ACSM3: variants seen among roughly 807,000 people sequenced by gnomAD.
ACSM3 encodes acyl-coenzyme A synthetase ACSM3, mitochondrial.
In ACSM3, 61 loss-of-function variants were observed where a neutral mutation model predicts 74.1. The observed-to-expected ratio is 0.82, with a 90% CI of 0.67 to 1.02. The LOEUF is 1.02. Ranked by LOEUF, ACSM3 falls within the 50% of genes least tolerant of loss-of-function variation. ACSM3 has a pLI of 0.00. For synonymous variants in ACSM3, 213 were observed against 241.5 expected (o/e 0.88, Z 1.09); for missense variants, 660 against 697.0 (o/e 0.95, Z 0.60).
chr16:20,712,234 G>A (rs932556438), intron 1 of ACSM3, among the ~76,000 whole-genome samples: 1 of 152,130 alleles, frequency 6.6e-6, no homozygotes, highest in Non-Finnish European at 1.5e-5. Context: ...AACAACAGCA[G>A]AGTGGAGTAG....
At chr16:20,700,421 A>G (rs2079709958) in intron 1 of ACSM3, among the ~76,000 whole-genome samples, 1 of 151,980 alleles carries the variant, frequency 6.6e-6, no homozygotes, top group Non-Finnish European at 1.5e-5. Context: ...GAGTGTGGGG[A>G]GGTGGCTAAG....
chr16:20,691,523 G>T (rs1044238272), intron 1 of ACSM3, among the ~76,000 whole-genome samples: 4 of 152,016 alleles, frequency 2.6e-5, no homozygotes, highest in African/African-American at 4.8e-5. Flanking sequence ...GAAGCCATAT[G>T]GTCATCCCTT....
chr16:20,797,558 C>A lies in ACSM3; in HGVS notation c.*586C>A. On this transcript the variant is annotated 3_prime_UTR_variant, in exon 14 of 14. Coordinates refer to ENST00000289416, the MANE Select transcript of ACSM3 (RefSeq NM_005622.4). The stretch of plus-strand genomic sequence containing the variant: ...ACTATTGTTGCTTATTATATGTAAT[C>A]TAATAAATACTGTTTACAAAAGATT... The A allele has an allele frequency of 8.0e-7, 1 of 1,244,134 alleles. No homozygotes were observed. The highest frequency in any genetic ancestry group is 1.0e-6 in the Non-Finnish European group (1 of 992,500). 77.1% of individuals were successfully genotyped at this position (1,244,134 alleles called of 1,614,324 possible).
At chr16:20,785,691 CT>C (rs1240910627) in intron 8 of ACSM3, among the ~76,000 whole-genome samples, 1 of 152,068 alleles carries the variant, frequency 6.6e-6, no homozygotes, top group African/African-American at 2.4e-5. Flanking sequence ...GTTGAAAAAA[CT>C]TTTCACAATG....
chr16:20,783,926 C>G (rs1431879823), intron 7 of ACSM3, among the ~76,000 whole-genome samples: 2 of 152,190 alleles, frequency 1.3e-5, no homozygotes, highest in Non-Finnish European at 2.9e-5. Context: ...CTGCCTCAGC[C>G]TCCTGAGCAT....
chr16:20,686,576 G>A (rs1347007270), intron 1 of ACSM3, among the ~76,000 whole-genome samples: 3 of 152,060 alleles, frequency 2.0e-5, no homozygotes, highest in Admixed American at 6.6e-5. Flanking sequence ...ACCATGACAC[G>A]CATATACCTA....
At chr16:20,705,365 T>G (rs2079724075) in intron 1 of ACSM3, among the ~76,000 whole-genome samples, 1 of 127,792 alleles carries the variant, frequency 7.8e-6, no homozygotes, top group Non-Finnish European at 1.6e-5. Context: ...AGAGCGAGAC[T>G]CCGTCTCAGA....
intron 1 of ACSM3, chr16:20,735,724 A>G (rs899813772): frequency 6.6e-6 from 1 of 152,230 alleles, no homozygotes; most frequent in African/African-American, 2.4e-5. Context: ...CAAATGCTAC[A>G]GCATGACAAA....
At chr16:20,757,896 G>A (rs2080044835) in intron 3 of ACSM3, among the ~76,000 whole-genome samples, 1 of 149,900 alleles carries the variant, frequency 6.7e-6, no homozygotes, top group African/African-American at 2.5e-5. Flanking sequence ...AGATAATCAT[G>A]TGGTTTTTGT....
intron 1 of ACSM3, among the ~76,000 whole-genome samples, chr16:20,690,687 G>T: frequency 6.6e-6 from 1 of 152,202 alleles, no homozygotes; most frequent in Non-Finnish European, 1.5e-5. Context: ...ATACGAATTT[G>T]CTGACCTTGT....
intron 1 of ACSM3, chr16:20,682,340 G>A (rs528079777): frequency 1.2e-6 from 2 of 1,614,086 alleles, no homozygotes; most frequent in East Asian, 4.5e-5. Context: ...GCACTGAGAA[G>A]CTATGGAGTC....
At position 20,728,924 on chromosome 16, in the gene ACSM3, T is replaced by C. The variant is rs565178384; in HGVS notation, c.-189-20986T>C. Among the ~76,000 whole-genome samples, 5 of 152,074 alleles carry C rather than the reference T, an allele frequency of 3.3e-5. No homozygotes were observed. The South Asian group carries it at 1.0e-3, about 32-fold the overall frequency. On this transcript the variant is annotated intron_variant, in intron 1 of 3. Coordinates refer to the ACSM3 transcript ENST00000561584. ...GAGTTCAAGACCAGCCTGGGAAACA[T>C]AGTGAGACCCCGTCTCTACAAAAAC... is the stretch of plus-strand genomic sequence containing the variant.
Position 20,792,048 on chromosome 16 carries a change from TCA to T in ACSM3, c.1375_1376del (p.Thr459TrpfsTer8), listed in dbSNP as rs758989649. On this transcript the variant is annotated frameshift_variant, in exon 11 of 14. Coordinates refer to ENST00000289416, the MANE Select transcript of ACSM3 (RefSeq NM_005622.4). LOFTEE classifies it high-confidence loss of function. ...TCAACTCTACGAGGCAATTTCTATA[TCA>T]CTGGGGACAGAGGATATATGGATAA... 25 of 1,614,006 alleles carry T rather than the reference TCA, an allele frequency of 1.5e-5. No individual in the cohort carries two copies. The highest frequency in any genetic ancestry group is 2.1e-5 in the Non-Finnish European group (25 of 1,180,006).
chr16:20,789,936 A>G (rs1269166208), intron 9 of ACSM3, among the ~76,000 whole-genome samples: 1 of 151,810 alleles, frequency 6.6e-6, no homozygotes. Context: ...GGCCTCCCAA[A>G]GTGCTAGGAT....
At chr16:20,689,934 C>T (rs2079622729) in intron 1 of ACSM3, among the ~76,000 whole-genome samples, 1 of 152,194 alleles carries the variant, frequency 6.6e-6, no homozygotes, top group South Asian at 2.1e-4. Context: ...TCAGTATATT[C>T]ATTAAATCCT....
chr16:20,716,616 C>T (rs1220026217), intron 1 of ACSM3, among the ~76,000 whole-genome samples: 1 of 152,192 alleles, frequency 6.6e-6, no homozygotes, highest in African/African-American at 2.4e-5. Context: ...ATTACAGCTA[C>T]ACTTGATGCA....
At chr16:20,789,781 TCTC>T (rs1431563922) in intron 9 of ACSM3, among the ~76,000 whole-genome samples, 2 of 151,402 alleles carry the variant, frequency 1.3e-5, no homozygotes, top group Non-Finnish European at 2.9e-5. Context: ...TTCAAGCAAT[TCTC>T]CTGCTCAACC....
chr16:20,750,552 G>T (rs1309952728), intron 2 of ACSM3, among the ~76,000 whole-genome samples: 1 of 152,168 alleles, frequency 6.6e-6, no homozygotes, highest in African/African-American at 2.4e-5. Flanking sequence ...CGGGGCCTCT[G>T]AATATAAGGA....
intron 12 of ACSM3, among the ~76,000 whole-genome samples, chr16:20,793,693 G>A (rs1420622836): frequency 6.6e-6 from 1 of 152,210 alleles, no homozygotes; most frequent in African/African-American, 2.4e-5. Context: ...GCTATTTACT[G>A]TGAAAGGGTA....
Sources: gnomAD v4.1 joint callset for allele counts (sites outside exome capture counted in the v4.1 genomes callset) on GRCh38, gnomAD v4.1.1 for gene constraint, MANE v1.5 for transcripts, NCBI Gene and HGNC (gene_info 2026-07-23, HGNC 2026-07-21) for gene names.